OOSP4B: variants seen among roughly 807,000 people sequenced by gnomAD.
The protein encoded by OOSP4B is oocyte-secreted protein 4B.
In OOSP4B at chr11:60,023,067, C is replaced by A. The variant is rs574192272; in HGVS notation, c.23-813C>A. On this transcript the variant is annotated intron_variant, in intron 1 of 4. Coordinates refer to ENST00000642343, the Ensembl canonical transcript of OOSP4B. ...TAAGTTCTAGGCAGTGTTCCAAGATCTTTTATATGCCTTATTTCATTTAAT... is the reference window on the plus strand; with the variant it reads ...TAAGTTCTAGGCAGTGTTCCAAGATATTTTATATGCCTTATTTCATTTAAT... Among the ~76,000 whole-genome samples the A allele has an allele frequency of 1.1e-4, 17 of 152,282 alleles. No homozygotes were observed. The East Asian group carries it at 2.3e-3, about 21-fold the overall frequency.
At position 60,030,887 on chromosome 11, in the gene OOSP4B, T is replaced by A. The variant is rs1225351164; in HGVS notation, c.*53T>A. On this transcript the variant is annotated 3_prime_UTR_variant, in exon 5 of 5. Coordinates refer to ENST00000642343, the Ensembl canonical transcript of OOSP4B. ...CTAAAGCAAGGGAACAAGTGATACA[T>A]CTTGTCTGAAAACCAGTTTCATCAA... The A allele has an allele frequency of 4.8e-5, 19 of 398,048 alleles. No homozygotes were observed. In the Admixed American group the frequency reaches 8.4e-4, roughly 18 times the overall value. 24.7% of individuals were successfully genotyped at this position (398,048 alleles called of 1,614,324 possible). A position where few individuals can be genotyped will look rare whatever the true frequency, so the allele number is the denominator to read the frequency against.
exon 1 of OOSP4B, chr11:60,017,399 C>T: frequency 2.5e-6 from 1 of 398,614 alleles, no homozygotes; most frequent in Non-Finnish European, 4.4e-6. Flanking sequence ...GCAATGAAGA[C>T]CTCTGTGCTC....
At chr11:60,019,798 A>T (rs191079372) in intron 1 of OOSP4B, among the ~76,000 whole-genome samples, 1 of 152,220 alleles carries the variant, frequency 6.6e-6, no homozygotes, top group Non-Finnish European at 1.5e-5. Context: ...ACGGGTTGCC[A>T]GTGCTGGTTC....
At chr11:60,027,477 C>T (rs1854755664) in intron 3 of OOSP4B, among the ~76,000 whole-genome samples, 1 of 151,732 alleles carries the variant, frequency 6.6e-6, no homozygotes, top group Admixed American at 6.6e-5. Context: ...GTTCTTCCAG[C>T]CCCCAATGTC....
intron 1 of OOSP4B, chr11:60,022,346 A>G (rs570801955): frequency 1.3e-5 from 2 of 152,172 alleles, no homozygotes; most frequent in Admixed American, 1.3e-4. Flanking sequence ...TTTCATCCTC[A>G]CCCTAAACTT....
intron 3 of OOSP4B, among the ~76,000 whole-genome samples, chr11:60,027,286 A>C (rs922059548): frequency 2.0e-5 from 3 of 152,072 alleles, no homozygotes; most frequent in African/African-American, 7.2e-5. Context: ...TTAGCCTTGG[A>C]ATGGGGTGTC....
At chr11:60,023,583 C>A (rs1968558) in intron 1 of OOSP4B, among the ~76,000 whole-genome samples, 1 of 151,824 alleles carries the variant, frequency 6.6e-6, no homozygotes, top group African/African-American at 2.4e-5. Context: ...TACAGGGGCA[C>A]GCCACCATGC....
At chr11:60,017,188 G>T (rs775945695) in exon 1 of OOSP4B, 2 of 394,110 alleles carry the variant, frequency 5.1e-6, no homozygotes, top group Non-Finnish European at 8.9e-6. Flanking sequence ...AAGCTCCCAG[G>T]TTGCCTATGG....
chr11:60,028,964 G>A (rs577040102), intron 3 of OOSP4B, among the ~76,000 whole-genome samples: 5 of 144,184 alleles, frequency 3.5e-5, no homozygotes, highest in Admixed American at 7.2e-5. Context: ...CTATATTGCC[G>A]TCTATATAGG....
intron 3 of OOSP4B, among the ~76,000 whole-genome samples, chr11:60,027,896 C>T (rs558641570): frequency 9.9e-5 from 15 of 151,048 alleles, no homozygotes; most frequent in East Asian, 2.0e-4. Context: ...GCTGAGATAG[C>T]GCCACTGCAC....
At chr11:60,019,650 C>A in intron 1 of OOSP4B, 1 of 152,578 alleles carries the variant, frequency 6.6e-6, no homozygotes, top group Non-Finnish European at 1.5e-5. Flanking sequence ...CGTGGTCTGG[C>A]TGGCTTCGGG....
intron 3 of OOSP4B, among the ~76,000 whole-genome samples, chr11:60,027,097 G>A (rs1422533227): frequency 6.6e-6 from 1 of 152,116 alleles, no homozygotes; most frequent in African/African-American, 2.4e-5. Context: ...CTGCTATCCA[G>A]GTACTGGGCA....
At chr11:60,020,040 G>T (rs1360227552) in intron 1 of OOSP4B, among the ~76,000 whole-genome samples, 1 of 152,196 alleles carries the variant, frequency 6.6e-6, no homozygotes, top group African/African-American at 2.4e-5. Flanking sequence ...GTGGACTGGT[G>T]CATTCACAAA....
chr11:60,018,210 C>T (rs1854645604), intron 1 of OOSP4B, among the ~76,000 whole-genome samples: 1 of 152,180 alleles, frequency 6.6e-6, no homozygotes, highest in South Asian at 2.1e-4. Flanking sequence ...CCAAATAAAG[C>T]AGCCTATGGA....
At chr11:60,019,165 G>A (rs1187253478) in intron 1 of OOSP4B, among the ~76,000 whole-genome samples, 1 of 152,138 alleles carries the variant, frequency 6.6e-6, no homozygotes, top group African/African-American at 2.4e-5. Context: ...AGAGGTTGCA[G>A]TGAGCTGAGA....
chr11:60,024,845 A>G, intron 2 of OOSP4B, 63 bp from the exon 3 acceptor site: 1 of 397,524 alleles, frequency 2.5e-6, no homozygotes, highest in Non-Finnish European at 4.4e-6. Flanking sequence ...AGATTCTATT[A>G]AGATCATTAA....
intron 3 of OOSP4B, among the ~76,000 whole-genome samples, chr11:60,028,691 C>A (rs1407913217): frequency 6.6e-6 from 1 of 152,116 alleles, no homozygotes; most frequent in Non-Finnish European, 1.5e-5. Flanking sequence ...AAAATCTATT[C>A]TCTTCCCCTA....
intron 2 of OOSP4B, among the ~76,000 whole-genome samples, 188 bp downstream of exon 2, chr11:60,024,249 G>T (rs1361032520): frequency 6.6e-6 from 1 of 152,134 alleles, no homozygotes; most frequent in African/African-American, 2.4e-5. Flanking sequence ...CTTTAAAAAG[G>T]TCATAAGGGG....
At chr11:60,026,543 C>T (rs1854747754) in intron 3 of OOSP4B, among the ~76,000 whole-genome samples, 1 of 152,152 alleles carries the variant, frequency 6.6e-6, no homozygotes, top group Admixed American at 6.5e-5. Flanking sequence ...CCATTTTCAG[C>T]TGTTCAGGAT....
Sources: gnomAD v4.1 joint callset for allele counts (sites outside exome capture counted in the v4.1 genomes callset) on GRCh38, gnomAD v4.1.1 for gene constraint, MANE v1.5 for transcripts, NCBI Gene and HGNC (gene_info 2026-07-23, HGNC 2026-07-21) for gene names.